The following ATRNL1 variants were observed in gnomAD, a reference collection of about 807,000 sequenced individuals.
The protein encoded by ATRNL1 is attractin-like protein 1.
In ATRNL1, 95 loss-of-function variants were observed where a neutral mutation model predicts 182.7. That is an observed-to-expected ratio of 0.52 (90% CI 0.44 to 0.62). The LOEUF is 0.62. ATRNL1 is among the 20% of genes least tolerant of loss of function. The probability of loss-of-function intolerance (pLI) is 0.00; values close to 1 mark genes in which losing one functional copy is unlikely to be tolerated. For missense variants in ATRNL1, 1,471 were observed against 1,679.5 expected (o/e 0.88, Z 2.17); for synonymous variants, 576 against 568.3 (o/e 1.01, Z -0.19).
rs1554910188 is a variant in ATRNL1 at position 115,265,245 on chromosome 10, C to A, written c.1740C>A (p.Asn580Lys). 1 of 1,608,078 alleles carries A rather than the reference C, an allele frequency of 6.2e-7. No individual in the cohort carries two copies. The highest frequency in any genetic ancestry group is 8.5e-7 in the Non-Finnish European group (1 of 1,176,404). The change falls in exon 11 of 29, where the codon AAC becomes AAA. Residue 580 changes from asparagine to lysine, a missense_variant. By Grantham distance (94) the Asn-to-Lys change is moderately conservative. Coordinates refer to ENST00000355044, the MANE Select transcript of ATRNL1 (RefSeq NM_207303.4). ...AACCAAATCTTCATAGAGATGTCAA[C>A]AGATTTGGACACTCTGCAGTAGTCA... ...LPKPNLHRDV[N>K]RFGHSAVVIN...
intron 25 of ATRNL1, among the ~76,000 whole-genome samples, chr10:115,530,600 G>C (rs1851509448): frequency 6.6e-6 from 1 of 152,020 alleles, no homozygotes. Context: ...GTTAAGTATA[G>C]TGTTCATGAT....
intron 27 of ATRNL1, among the ~76,000 whole-genome samples, chr10:115,775,090 TAAA>T (rs1369853348): frequency 6.6e-6 from 1 of 152,194 alleles, no homozygotes; most frequent in East Asian, 1.9e-4. Flanking sequence ...AGATGTCCAT[TAAA>T]AAACTTATTT....
intron 8 of ATRNL1, among the ~76,000 whole-genome samples, chr10:115,187,804 C>G (rs1848007450): frequency 6.6e-6 from 1 of 150,602 alleles, no homozygotes; most frequent in Non-Finnish European, 1.5e-5. Context: ...GCCTCAGCCT[C>G]CTGAGTAGCT....
At chr10:115,161,031 G>A (rs547623675) in intron 6 of ATRNL1, among the ~76,000 whole-genome samples, 26 of 151,768 alleles carry the variant, frequency 1.7e-4, no homozygotes, top group Non-Finnish European at 3.5e-4. Flanking sequence ...GTATAAGAAG[G>A]CCCTTTTGCT....
chr10:115,667,795 T>C (rs1351129117), intron 26 of ATRNL1, among the ~76,000 whole-genome samples: 4 of 152,012 alleles, frequency 2.6e-5, no homozygotes, highest in African/African-American at 9.7e-5. Context: ...TAGCTGGGAC[T>C]ACAGGTGTGG....
rs537685295 is a variant in ATRNL1 at position 115,576,944 on chromosome 10, T to C, written c.3795+27408T>C. 5.9e-5 allele frequency among the ~76,000 whole-genome samples: 9 copies of C among 152,006 alleles called. No homozygotes were observed. In the South Asian group the frequency reaches 1.5e-3, roughly 25 times the overall value. On this transcript the variant is annotated intron_variant, in intron 26 of 28. Transcript: ENST00000355044. ...AAGATAATGGGCATTTTCATTTCTT[T>C]TCATGTTGACATTCAGTTTTCCCAC...
chr10:115,819,196 C>G (rs1708492924), intron 27 of ATRNL1, among the ~76,000 whole-genome samples: 1 of 151,630 alleles, frequency 6.6e-6, no homozygotes, highest in African/African-American at 2.4e-5. Context: ...ATCTGCAAGC[C>G]CATCAGCCAC....
intron 8 of ATRNL1, among the ~76,000 whole-genome samples, chr10:115,175,923 C>A (rs369936394): frequency 1.8e-3 from 274 of 152,258 alleles, no homozygotes; most frequent in Non-Finnish European, 3.3e-3. Flanking sequence ...CACATTCCCA[C>A]CAACAGTGTA....
intron 28 of ATRNL1, among the ~76,000 whole-genome samples, chr10:115,913,266 A>C (rs1283231460): frequency 6.6e-6 from 1 of 152,120 alleles, no homozygotes. Context: ...AATTATTCAG[A>C]TGTCCTCCAC....
chr10:115,392,616 T>C, intron 19 of ATRNL1, among the ~76,000 whole-genome samples: 1 of 152,166 alleles, frequency 6.6e-6, no homozygotes, highest in South Asian at 2.1e-4. Flanking sequence ...TATAGTCTTA[T>C]GTGTGAAGAA....
chr10:115,516,499 CA>C (rs1294973188), intron 24 of ATRNL1, among the ~76,000 whole-genome samples: 1 of 151,806 alleles, frequency 6.6e-6, no homozygotes, highest in African/African-American at 2.4e-5. Context: ...TGGATTTCCC[CA>C]ATTATTTCTT....
intron 25 of ATRNL1, among the ~76,000 whole-genome samples, chr10:115,532,097 C>G (rs58125821): frequency 0.013 from 1,932 of 151,252 alleles, 25 homozygotes; most frequent in African/African-American, 0.038. Context: ...GCTTAGGATT[C>G]ACTTGGCGAT....
intron 28 of ATRNL1, among the ~76,000 whole-genome samples, chr10:115,887,695 T>C (rs1321039472): frequency 6.6e-6 from 1 of 152,000 alleles, no homozygotes; most frequent in Non-Finnish European, 1.5e-5. Context: ...TAGTTCTTTT[T>C]CCAGTTTTCC....
At chr10:115,246,295 G>C (rs1850637014) in intron 10 of ATRNL1, among the ~76,000 whole-genome samples, 1 of 151,978 alleles carries the variant, frequency 6.6e-6, no homozygotes, top group Non-Finnish European at 1.5e-5. Context: ...GAGTCCTTTT[G>C]ATATTAACAC....
chr10:115,517,514 A>G (rs1850701365), intron 24 of ATRNL1, among the ~76,000 whole-genome samples: 1 of 151,818 alleles, frequency 6.6e-6, no homozygotes, highest in South Asian at 2.1e-4. Flanking sequence ...ATTTACTGCA[A>G]TTGCACTGTA....
chr10:115,647,568 T>C (rs1167697623), intron 26 of ATRNL1, among the ~76,000 whole-genome samples: 2 of 152,224 alleles, frequency 1.3e-5, no homozygotes, highest in African/African-American at 4.8e-5. Flanking sequence ...GAGCATTTTT[T>C]CATGTGTCTG....
chr10:115,332,819 T>C (rs1855291633), intron 18 of ATRNL1, among the ~76,000 whole-genome samples: 1 of 143,052 alleles, frequency 7.0e-6, no homozygotes, highest in African/African-American at 2.4e-5. Context: ...TGCTATTTAA[T>C]ATCTGTTTTT....
intron 25 of ATRNL1, among the ~76,000 whole-genome samples, chr10:115,523,207 TGGGGAGCACTTTCTAGAGATG>T (rs1349600019): frequency 6.6e-6 from 1 of 152,142 alleles, no homozygotes; most frequent in African/African-American, 2.4e-5. Flanking sequence ...CAGCGAGATG[TGGGGAGCACTTTCTAGAGATG>T]GGGCATGGCA....
intron 21 of ATRNL1, among the ~76,000 whole-genome samples, chr10:115,457,304 T>G (rs1003117988): frequency 1.1e-4 from 16 of 151,950 alleles, no homozygotes; most frequent in Admixed American, 8.5e-4. Flanking sequence ...ATAGGTGGTC[T>G]TGGAAAAAGC....
Sources: allele counts gnomAD v4.1 joint callset (sites outside exome capture counted in the v4.1 genomes callset), GRCh38; gene constraint gnomAD v4.1.1; transcripts MANE v1.5; gene names NCBI Gene and HGNC (gene_info 2026-07-23, HGNC 2026-07-21).